The following FBLN7 variants were observed in gnomAD, a reference collection of about 807,000 sequenced individuals.
FBLN7 encodes fibulin-7.
FBLN7 carries 31 observed loss-of-function variants against 44.0 expected under a neutral mutation model. That is an observed-to-expected ratio of 0.70 (90% CI 0.53 to 0.95). The LOEUF (loss-of-function observed/expected upper bound fraction) is 0.95, where lower values mean the gene tolerates loss of function less well. FBLN7 is among the 40% of genes least tolerant of loss of function. The pLI is 0.00. For missense variants in FBLN7, 573 were observed against 618.5 expected (o/e 0.93, Z 0.78); for synonymous variants, 262 against 253.4 (o/e 1.03, Z -0.32).
the FBLN7 span, chr2:112,238,517 A>G: frequency 6.2e-7 from 1 of 1,609,588 alleles, no homozygotes; most frequent in Non-Finnish European, 8.5e-7. Flanking sequence ...GTGATATTGC[A>G]GAGTGTCTAA....
At position 112,182,879 on chromosome 2, in the gene FBLN7, C is replaced by G. The variant is rs1242089932; in HGVS notation, c.759C>G (p.Cys253Trp). The G allele has an allele frequency of 1.6e-5, 26 of 1,613,110 alleles. No individual in the cohort carries two copies. The highest frequency in any genetic ancestry group is 2.1e-5 in the Non-Finnish European group (25 of 1,179,870). Residue 253 changes from cysteine (C) to tryptophan (W), a missense_variant, in exon 6 of 8, where the codon TGC (cysteine) becomes TGG (tryptophan). By Grantham distance (215) the Cys-to-Trp change is radical. Coordinates refer to ENST00000331203, the MANE Select transcript of FBLN7 (RefSeq NM_153214.3). ...ACVNTPGSYRCTCPGGYRTLA... is the reference protein window; with the variant it reads ...ACVNTPGSYRWTCPGGYRTLA... ...TGAACACCCCGGGCTCTTACCGTTG[C>G]ACCTGCCCCGGTGGATACCGAACTC...
rs1291839397 is a variant in FBLN7, at chr2:112,175,838, T to G, written c.531T>G (p.Thr177=). ...TGNRCQHQAQ[T]AAPEGSVAGD... ...ACCGCTGTCAGCATCAGGCCCAGAC[T>G]GGTATGTAGCCACCATGGGGTTAGG... The change falls in exon 4 of 8, where the codon ACT becomes ACG. Residue 177 remains threonine, a splice_region_variant and synonymous_variant. Transcript: ENST00000331203. The G allele has an allele frequency of 6.2e-7, 1 of 1,613,816 alleles. No homozygotes were observed. The highest frequency in any genetic ancestry group is 1.1e-5 in the South Asian group (1 of 91,036).
At chr2:112,145,348 C>G (rs985472216) in intron 1 of FBLN7, among the ~76,000 whole-genome samples, 1 of 152,002 alleles carries the variant, frequency 6.6e-6, no homozygotes, top group Admixed American at 6.5e-5. Context: ...GTTGCCCAGG[C>G]CAGCCATGGA....
Position 112,182,887 on chromosome 2 carries a change from C to T in FBLN7, c.767C>T (p.Pro256Leu). Residue 256 changes from proline (P) to leucine (L), a missense_variant, in exon 6 of 8, where the codon CCC (proline) becomes CTC (leucine). Coordinates refer to ENST00000331203, the MANE Select transcript of FBLN7 (RefSeq NM_153214.3). ...CCGGGCTCTTACCGTTGCACCTGCC[C>T]CGGTGGATACCGAACTCTGGCTGAC... Reference protein sequence around the residue: ...NTPGSYRCTCPGGYRTLADGK... With the variant: ...NTPGSYRCTCLGGYRTLADGK... The T allele has an allele frequency of 1.2e-6, 2 of 1,613,038 alleles. No homozygotes were observed. The highest frequency in any genetic ancestry group is 1.1e-5 in the South Asian group (1 of 90,868).
At chr2:112,225,321 G>A in the FBLN7 span, among the ~76,000 whole-genome samples, 17 of 152,002 alleles carry the variant, frequency 1.1e-4, no homozygotes, top group African/African-American at 3.9e-4. Context: ...AAAGACTATA[G>A]ACAACAATTA....
the FBLN7 span, among the ~76,000 whole-genome samples, chr2:112,205,322 A>C: frequency 6.6e-6 from 1 of 152,114 alleles, no homozygotes; most frequent in Admixed American, 6.5e-5. Flanking sequence ...AAAATGTCAA[A>C]CATAAAATTC....
chr2:112,219,223 A>G, the FBLN7 span, among the ~76,000 whole-genome samples: 1 of 152,202 alleles, frequency 6.6e-6, no homozygotes, highest in Non-Finnish European at 1.5e-5. Context: ...GTGTGCTAAC[A>G]GCATAAAAGA....
At position 112,159,828 on chromosome 2, in the gene FBLN7, C is replaced by T. The variant is rs1297463525; in HGVS notation, c.228C>T (p.Ala76=). Reference sequence around the variant, plus strand: ...CTGTGGGCAGGGTGGGCCCAGATGCCCTTCCAGGTGGGTCCCCACGTCGGC... The same window carrying T: ...CTGTGGGCAGGGTGGGCCCAGATGCTCTTCCAGGTGGGTCCCCACGTCGGC... The part of the protein sequence containing the change: ...QNSVGRVGPD[A]LPVSCPALNT... Residue 76 remains alanine, a synonymous_variant, in exon 2 of 8, where the codon GCC becomes GCT. Transcript: ENST00000331203. 3.2e-6 allele frequency: 5 copies of T among 1,546,874 alleles called. No individual in the cohort carries two copies. The East Asian group carries it at 1.0e-4, about 31-fold the overall frequency.
At chr2:112,140,696 C>T (rs1680599090) in intron 1 of FBLN7, among the ~76,000 whole-genome samples, 1 of 152,130 alleles carries the variant, frequency 6.6e-6, no homozygotes, top group Non-Finnish European at 1.5e-5. Flanking sequence ...ACGTCCCCGC[C>T]CTCCAAACTC....
At chr2:112,230,680 A>G in the FBLN7 span, 1 of 215,350 alleles carries the variant, frequency 4.6e-6, no homozygotes, top group Non-Finnish European at 9.2e-6. Context: ...ACAAAGAAAC[A>G]CAAGAGGAGA....
At chr2:112,235,818 A>C in the FBLN7 span, among the ~76,000 whole-genome samples, 1 of 152,092 alleles carries the variant, frequency 6.6e-6, no homozygotes, top group African/African-American at 2.4e-5. Context: ...AGAGGGAGCC[A>C]GGATGAGGGA....
intron 7 of FBLN7, among the ~76,000 whole-genome samples, chr2:112,186,090 T>A (rs1379301052): frequency 1.3e-5 from 2 of 152,008 alleles, no homozygotes; most frequent in Non-Finnish European, 2.9e-5. Flanking sequence ...AGCATGGCAG[T>A]TTTTAGAGAG....
the FBLN7 span, among the ~76,000 whole-genome samples, chr2:112,243,317 T>C: frequency 6.6e-6 from 1 of 152,234 alleles, no homozygotes; most frequent in Non-Finnish European, 1.5e-5. Flanking sequence ...TCATCTGCAA[T>C]GTAGTAACAT....
chr2:112,142,745 A>G (rs890831985), intron 1 of FBLN7, among the ~76,000 whole-genome samples: 1 of 147,548 alleles, frequency 6.8e-6, no homozygotes, highest in Non-Finnish European at 1.5e-5. Context: ...CGCAAGAGTA[A>G]TATCATGAGC....
intron 2 of FBLN7, among the ~76,000 whole-genome samples, chr2:112,163,140 C>T (rs537612346): frequency 4.6e-5 from 7 of 152,316 alleles, no homozygotes; most frequent in East Asian, 3.9e-4. Context: ...CACCTCCCTC[C>T]GCCCCAGCTC....
chr2:112,181,965 C>T, intron 5 of FBLN7, 89 bp downstream of exon 5: 1 of 1,441,908 alleles, frequency 6.9e-7, no homozygotes, highest in Non-Finnish European at 9.1e-7. Context: ...CTCCTGCCGG[C>T]ACGGGTGGCT....
At chr2:112,241,108 G>A in the FBLN7 span, among the ~76,000 whole-genome samples, 1 of 151,772 alleles carries the variant, frequency 6.6e-6, no homozygotes, top group Admixed American at 6.6e-5. Context: ...TGCTCTAAAG[G>A]GTGGGCTTAG....
intron 1 of FBLN7, among the ~76,000 whole-genome samples, chr2:112,147,720 C>T (rs1680958753): frequency 6.6e-6 from 1 of 152,228 alleles, no homozygotes; most frequent in African/African-American, 2.4e-5. Context: ...ACATGTCTTC[C>T]TCTTTCTTTG....
At chr2:112,220,152 A>G in the FBLN7 span, among the ~76,000 whole-genome samples, 1 of 152,202 alleles carries the variant, frequency 6.6e-6, no homozygotes, top group Non-Finnish European at 1.5e-5. Flanking sequence ...TTTACATTCA[A>G]GGTTAGTATT....
Sources: gnomAD v4.1 joint callset for allele counts (sites outside exome capture counted in the v4.1 genomes callset) on GRCh38, gnomAD v4.1.1 for gene constraint, MANE v1.5 for transcripts, NCBI Gene and HGNC (gene_info 2026-07-23, HGNC 2026-07-21) for gene names.